CNNM4: variants seen among roughly 807,000 people sequenced by gnomAD.
CNNM4 encodes the protein metal transporter CNNM4.
CNNM4 carries 32 observed loss-of-function variants against 53.7 expected under a neutral mutation model. That is an observed-to-expected ratio of 0.60 (90% CI 0.45 to 0.80). The LOEUF is 0.80. Ranked by LOEUF, CNNM4 falls within the 30% of genes least tolerant of loss-of-function variation. CNNM4 has a pLI of 0.00. For missense variants in CNNM4, 784 were observed against 1,022.0 expected, an observed-to-expected ratio of 0.77 and a Z score of 3.17; for synonymous variants, 410 against 440.0, an observed-to-expected ratio of 0.93 and a Z score of 0.85.
At chr2:96,806,758 CA>C (rs1174977557) in intron 5 of CNNM4, among the ~76,000 whole-genome samples, 1 of 152,118 alleles carries the variant, frequency 6.6e-6, no homozygotes, top group Non-Finnish European at 1.5e-5. Context: ...CCTGTGTTCT[CA>C]AAAACAAGTT....
chr2:96,787,634 G>T (rs529640842), intron 1 of CNNM4, among the ~76,000 whole-genome samples: 2 of 152,270 alleles, frequency 1.3e-5, no homozygotes, highest in East Asian at 3.9e-4. Flanking sequence ...ATGGTGGGAG[G>T]ATCGCTTGAG....
At chr2:96,780,865 A>G (rs2078968378) in intron 1 of CNNM4, among the ~76,000 whole-genome samples, 1 of 145,020 alleles carries the variant, frequency 6.9e-6, no homozygotes, top group African/African-American at 2.6e-5. Context: ...AGCCTCCCCA[A>G]GTAGCTGGGA....
At chr2:96,802,841 C>T (rs2079171309) in intron 5 of CNNM4, among the ~76,000 whole-genome samples, 1 of 152,142 alleles carries the variant, frequency 6.6e-6, no homozygotes, top group African/African-American at 2.4e-5. Flanking sequence ...GGAATAGGGT[C>T]AGACTCATTC....
In CNNM4 at chr2:96,809,699, TGGCACTGTCCAG is replaced by T; in HGVS notation, c.*183_*194del. 1.6e-6 allele frequency: 1 copy of T among 616,312 alleles called. No homozygotes were observed. The highest frequency in any genetic ancestry group is 2.9e-6 in the Non-Finnish European group (1 of 350,142). 38.2% of individuals were successfully genotyped at this position (616,312 alleles called of 1,614,324 possible). A position where few individuals can be genotyped will look rare whatever the true frequency, so the allele number is the denominator to read the frequency against. ...CAGGGACCTCTGAGTAGCTCTGAGG[TGGCACTGTCCAG>T]CCCTGGATAGGGGGGGCAGTGGGCC... On this transcript the variant is annotated 3_prime_UTR_variant, in exon 7 of 7. Transcript: ENST00000377075.
At chr2:96,794,079 G>A (rs1270610763) in intron 1 of CNNM4, among the ~76,000 whole-genome samples, 1 of 152,142 alleles carries the variant, frequency 6.6e-6, no homozygotes, top group Non-Finnish European at 1.5e-5. Flanking sequence ...GAATGTAGTG[G>A]AGAGGTTGTT....
rs1458596872 is a variant in CNNM4 at position 96,801,709 on chromosome 2, G to A, written c.1948+2061G>A. On this transcript the variant is annotated intron_variant, in intron 5 of 6. Coordinates refer to ENST00000377075, the MANE Select transcript of CNNM4 (RefSeq NM_020184.4). The surrounding 1 kb of genome is among the most constrained non-coding windows in gnomAD (Gnocchi z 5.6). Reference sequence around the variant, plus strand: ...CGCAGAGAGACCACACACACGCAGAGAGACCACACACATGCAGAGACCACA... The same window carrying A: ...CGCAGAGAGACCACACACACGCAGAAAGACCACACACATGCAGAGACCACA... Among the ~76,000 whole-genome samples, 7 of 142,546 alleles carry A rather than the reference G, an allele frequency of 4.9e-5. No homozygotes were observed. The highest frequency in any genetic ancestry group is 4.8e-4 in the Admixed American group (7 of 14,660). 93.5% of individuals were successfully genotyped at this position (142,546 alleles called of 152,430 possible). A position where few individuals can be genotyped will look rare whatever the true frequency, so the allele number is the denominator to read the frequency against.
At chr2:96,793,876 A>G (rs1405556896) in intron 1 of CNNM4, among the ~76,000 whole-genome samples, 1 of 152,052 alleles carries the variant, frequency 6.6e-6, no homozygotes, top group African/African-American at 2.4e-5. Context: ...AATCGCTTGA[A>G]CCTGGGAGGT....
At chr2:96,803,172 C>T (rs964462343) in intron 5 of CNNM4, among the ~76,000 whole-genome samples, 11 of 152,254 alleles carry the variant, frequency 7.2e-5, no homozygotes, top group African/African-American at 2.6e-4. Context: ...CCAGTGTGAC[C>T]TCAGCCTCCC....
intron 1 of CNNM4, among the ~76,000 whole-genome samples, chr2:96,765,593 G>A (rs1345211627): frequency 3.3e-5 from 5 of 152,002 alleles, no homozygotes; most frequent in Non-Finnish European, 7.4e-5. Flanking sequence ...CCTCTTTTAG[G>A]GCCTTTGTAT....
intron 1 of CNNM4, among the ~76,000 whole-genome samples, chr2:96,780,573 G>A (rs2078965692): frequency 6.6e-6 from 1 of 151,982 alleles, no homozygotes; most frequent in Non-Finnish European, 1.5e-5. Context: ...CTTGTGCACT[G>A]CTAACCAACA....
intron 1 of CNNM4, among the ~76,000 whole-genome samples, chr2:96,790,447 C>T (rs2079052312): frequency 1.3e-5 from 2 of 151,744 alleles, no homozygotes; most frequent in African/African-American, 4.8e-5. Context: ...CTCCACCTCC[C>T]AGATTCAAGC....
At chr2:96,790,649 C>T (rs1436670550) in intron 1 of CNNM4, among the ~76,000 whole-genome samples, 4 of 151,218 alleles carry the variant, frequency 2.6e-5, no homozygotes, top group African/African-American at 7.3e-5. Flanking sequence ...CCACCGCGCC[C>T]GGCCTAATGG....
intron 1 of CNNM4, among the ~76,000 whole-genome samples, chr2:96,777,134 C>T (rs1207226756): frequency 2.0e-5 from 3 of 152,158 alleles, no homozygotes; most frequent in African/African-American, 7.2e-5. Context: ...AATTCTCCTG[C>T]CTCAGCCTCC....
Position 96,761,370 on chromosome 2 carries a change from G to A in CNNM4, c.371G>A (p.Ser124Asn). 1 of 1,614,110 alleles carries A rather than the reference G, an allele frequency of 6.2e-7. No individual in the cohort carries two copies. Among genetic ancestry groups the A allele is most frequent in the Non-Finnish European group, 8.5e-7 (1 of 1,180,036 alleles). Residue 124 changes from serine to asparagine, a missense_variant, in exon 1 of 7, where the codon AGC becomes AAC. Around this residue, in one of 3 missense-constraint regions of CNNM4, gnomAD observed 473 missense variants for 624.6 expected, o/e 0.76. Coordinates refer to ENST00000377075, the MANE Select transcript of CNNM4 (RefSeq NM_020184.4). This position sits in a 1 kb window ranked among gnomAD's most constrained non-coding sequence, Gnocchi z 6.0. ...DLVVQQLVNV[S>N]RGNTSGVLVV... ...GTCGTCCAGCAGCTGGTCAACGTGA[G>A]CCGCGGGAACACGTCCGGCGTGCTG...
At chr2:96,802,035 G>T (rs938170307) in intron 5 of CNNM4, among the ~76,000 whole-genome samples, 1 of 143,592 alleles carries the variant, frequency 7.0e-6, no homozygotes, top group African/African-American at 2.6e-5. Context: ...CCACCCATAG[G>T]CACACACACA....
At chr2:96,809,132 G>A in intron 6 of CNNM4, 188 bp from the exon 7 acceptor site, 1 of 1,321,240 alleles carries the variant, frequency 7.6e-7, no homozygotes, top group South Asian at 1.3e-5. Context: ...GTGAGCCACT[G>A]TGCCCAGCCC....
chr2:96,785,897 C>G (rs1467919613), intron 1 of CNNM4, among the ~76,000 whole-genome samples: 1 of 151,842 alleles, frequency 6.6e-6, no homozygotes, highest in Non-Finnish European at 1.5e-5. Flanking sequence ...ACCATCCTAG[C>G]TAACATGGTG....
At chr2:96,803,427 T>A (rs186906658) in intron 5 of CNNM4, among the ~76,000 whole-genome samples, 243 of 152,296 alleles carry the variant, frequency 1.6e-3, no homozygotes, top group Non-Finnish European at 1.2e-3. Context: ...AATTACCAGG[T>A]CAAAACCTTG....
At chr2:96,784,612 T>C (rs1302436673) in intron 1 of CNNM4, among the ~76,000 whole-genome samples, 1 of 152,190 alleles carries the variant, frequency 6.6e-6, no homozygotes, top group Non-Finnish European at 1.5e-5. Flanking sequence ...AGTTTGTCAA[T>C]AGCTTCACCC....
Sources: allele counts gnomAD v4.1 joint callset (sites outside exome capture counted in the v4.1 genomes callset), GRCh38; gene constraint gnomAD v4.1.1; regional missense constraint gnomAD v4.1.1; non-coding constraint Gnocchi (gnomAD v3.1); transcripts MANE v1.5; gene names NCBI Gene and HGNC (gene_info 2026-07-23, HGNC 2026-07-21).